SLC7A2: variants seen among roughly 807,000 people sequenced by gnomAD.
SLC7A2 encodes cationic amino acid transporter 2.
A neutral mutation model predicts 58.9 loss-of-function variants in SLC7A2; 48 were observed. The observed-to-expected ratio is 0.82, with a 90% CI of 0.65 to 1.04. SLC7A2 has a LOEUF of 1.04. Ranked by LOEUF, SLC7A2 falls within the 50% of genes least tolerant of loss-of-function variation. The probability of loss-of-function intolerance (pLI) is 0.00; values close to 1 mark genes in which losing one functional copy is unlikely to be tolerated. For missense variants in SLC7A2, 1,029 were observed against 818.8 expected, an observed-to-expected ratio of 1.26 and a Z score of -3.13; for synonymous variants, 363 against 314.5, an observed-to-expected ratio of 1.15 and a Z score of -1.63.
intron 2 of SLC7A2, among the ~76,000 whole-genome samples, chr8:17,522,031 G>C (rs995490451): frequency 6.6e-6 from 1 of 152,136 alleles, no homozygotes; most frequent in Non-Finnish European, 1.5e-5. Flanking sequence ...GGTAAGAGGA[G>C]GAAAATGACC....
intron 5 of SLC7A2, 106 bp from the exon 6 acceptor site, chr8:17,550,195 G>C: frequency 2.0e-6 from 2 of 1,008,098 alleles, no homozygotes; most frequent in Non-Finnish European, 3.0e-6. Context: ...CATCTTCAAA[G>C]AGCTAATAAA....
At chr8:17,541,878 A>G (rs1263669783) in intron 2 of SLC7A2, among the ~76,000 whole-genome samples, 1 of 152,144 alleles carries the variant, frequency 6.6e-6, no homozygotes, top group Non-Finnish European at 1.5e-5. Flanking sequence ...ATTTTTTCTT[A>G]ACTAATATTC....
At chr8:17,542,166 C>G (rs1039034106) in intron 2 of SLC7A2, among the ~76,000 whole-genome samples, 2 of 152,172 alleles carry the variant, frequency 1.3e-5, no homozygotes, top group African/African-American at 4.8e-5. Flanking sequence ...AAGTTCACAT[C>G]TGCTTCACAT....
chr8:17,563,847 G>A, intron 12 of SLC7A2, 136 bp downstream of exon 12: 1 of 618,496 alleles, frequency 1.6e-6, no homozygotes, highest in Non-Finnish European at 2.9e-6. Flanking sequence ...ATGTCCGAGT[G>A]CTTTTCCAGA....
chr8:17,527,753 A>G (rs567246446), intron 2 of SLC7A2, among the ~76,000 whole-genome samples: 1 of 152,282 alleles, frequency 6.6e-6, no homozygotes, highest in South Asian at 2.1e-4. Context: ...TAAGGACACC[A>G]GTGTTACTGG....
intron 5 of SLC7A2, among the ~76,000 whole-genome samples, chr8:17,549,153 T>A (rs1802324196): frequency 6.6e-6 from 1 of 152,156 alleles, no homozygotes; most frequent in African/African-American, 2.4e-5. Flanking sequence ...AGGAAAGACC[T>A]GCCCCCATGA....
Position 17,567,822 on chromosome 8 carries a change from C to A in SLC7A2, c.*2676C>A, listed in dbSNP as rs1585283300. 1 of 152,074 alleles carries A rather than the reference C, an allele frequency of 6.6e-6. No homozygotes were observed. Among genetic ancestry groups the A allele is most frequent in the African/African-American group, 2.4e-5 (1 of 41,418 alleles). 9.4% of individuals were successfully genotyped at this position (152,074 alleles called of 1,614,324 possible). On this transcript the variant is annotated 3_prime_UTR_variant, in exon 13 of 13. Coordinates refer to ENST00000494857, the MANE Select transcript of SLC7A2 (RefSeq NM_001370338.1). ...ATGTTTCTAATATGAAATCACTAAA[C>A]TCTAGTACATTATAGCAGGTGCTTT...
chr8:17,523,865 T>C (rs1801114488), intron 2 of SLC7A2, among the ~76,000 whole-genome samples: 1 of 151,834 alleles, frequency 6.6e-6, no homozygotes. Context: ...TCTATACATC[T>C]GACAAAGGAC....
At chr8:17,564,076 G>C (rs542808383) in intron 12 of SLC7A2, among the ~76,000 whole-genome samples, 2 of 152,314 alleles carry the variant, frequency 1.3e-5, no homozygotes, top group East Asian at 3.9e-4. Context: ...GTTGCCTCCT[G>C]ATCCCCACAC....
chr8:17,515,513 T>C (rs1245301866), intron 2 of SLC7A2, among the ~76,000 whole-genome samples: 10 of 151,962 alleles, frequency 6.6e-5, no homozygotes, highest in Non-Finnish European at 1.3e-4. Context: ...CCAGGATGGT[T>C]TTGATCTCCT....
upstream of SLC7A2, among the ~76,000 whole-genome samples, chr8:17,495,701 C>T (rs568198898): frequency 6.6e-6 from 1 of 152,322 alleles, no homozygotes; most frequent in African/African-American, 2.4e-5. Flanking sequence ...AGGCGCCCGC[C>T]GCCGCGCCCG....
chr8:17,545,926 A>C (rs1802150300), intron 4 of SLC7A2, among the ~76,000 whole-genome samples: 1 of 152,198 alleles, frequency 6.6e-6, no homozygotes. Flanking sequence ...TATAATTTTA[A>C]AAATAGCTTT....
At chr8:17,498,311 G>C (rs887926845) in intron 1 of SLC7A2, among the ~76,000 whole-genome samples, 2 of 152,126 alleles carry the variant, frequency 1.3e-5, no homozygotes, top group Admixed American at 1.3e-4. Flanking sequence ...AATGTATGTG[G>C]CCTTGACTTG....
chr8:17,495,293 C>A (rs561129445), upstream of SLC7A2, among the ~76,000 whole-genome samples: 1 of 152,210 alleles, frequency 6.6e-6, no homozygotes, highest in South Asian at 2.1e-4. Flanking sequence ...AGATTACTCA[C>A]CCTTAAAAAT....
Position 17,560,593 on chromosome 8 carries a change from G to A in SLC7A2, c.1504+60G>A. On this transcript the variant is annotated intron_variant, in intron 10 of 12. Coordinates refer to ENST00000494857, the MANE Select transcript of SLC7A2 (RefSeq NM_001370338.1). The stretch of plus-strand genomic sequence containing the variant: ...CAGAAGATGTGTGTGAGTAGAGCTG[G>A]CATGATATGAAAGAGAAAAGAGGGC... The A allele has an allele frequency of 4.3e-6, 6 of 1,410,030 alleles. No homozygotes were observed. In the South Asian group the frequency reaches 4.6e-5, roughly 11 times the overall value. The allele number at this position is 1,410,030 out of a possible 1,614,324, so 87.3% of individuals were successfully genotyped here. A position where few individuals can be genotyped will look rare whatever the true frequency, so the allele number is the denominator to read the frequency against.
chr8:17,515,711 C>A (rs2150676822), intron 2 of SLC7A2, among the ~76,000 whole-genome samples: 1 of 152,256 alleles, frequency 6.6e-6, no homozygotes, highest in Non-Finnish European at 1.5e-5. Context: ...GTACAGAGAA[C>A]CATGGGCTAA....
At chr8:17,527,941 G>A (rs938229917) in intron 2 of SLC7A2, among the ~76,000 whole-genome samples, 3 of 152,106 alleles carry the variant, frequency 2.0e-5, no homozygotes, top group Non-Finnish European at 2.9e-5. Context: ...ATTTTTTTAT[G>A]TGACATAAAA....
chr8:17,515,550 C>T (rs1800773245), intron 2 of SLC7A2, among the ~76,000 whole-genome samples: 1 of 152,110 alleles, frequency 6.6e-6, no homozygotes. Flanking sequence ...TGCCTGACCT[C>T]CCATACTGCT....
upstream of SLC7A2, among the ~76,000 whole-genome samples, chr8:17,494,363 T>C (rs915264348): frequency 6.6e-6 from 1 of 152,178 alleles, no homozygotes; most frequent in Non-Finnish European, 1.5e-5. Context: ...TGTGAAATCT[T>C]TGGAAGATGA....
Sources: gnomAD v4.1 joint callset for allele counts (sites outside exome capture counted in the v4.1 genomes callset) on GRCh38, gnomAD v4.1.1 for gene constraint, MANE v1.5 for transcripts, NCBI Gene and HGNC (gene_info 2026-07-23, HGNC 2026-07-21) for gene names.